Variants in CSMD1 observed in about 807,000 individuals in gnomAD.
The protein encoded by CSMD1 is CUB and sushi domain-containing protein 1.
Under a neutral mutation model 417.5 loss-of-function variants are expected in CSMD1, and 213 were observed. The observed-to-expected ratio is 0.51, with a 90% CI of 0.46 to 0.57. The LOEUF (loss-of-function observed/expected upper bound fraction) is 0.57, where lower values mean the gene tolerates loss of function less well. CSMD1 is among the 20% of genes least tolerant of loss of function. The pLI, the probability that CSMD1 is intolerant of heterozygous loss-of-function variation, is 0.00. For synonymous variants in CSMD1, 2,862 were observed against 1,736.8 expected (o/e 1.65, Z -16.11); for missense variants, 6,923 against 4,529.7 (o/e 1.53, Z -15.17).
chr8:4,303,585 T>G (rs1563420021), intron 3 of CSMD1, among the ~76,000 whole-genome samples: 1 of 152,124 alleles, frequency 6.6e-6, no homozygotes, highest in East Asian at 1.9e-4. Flanking sequence ...GGTGACTGTG[T>G]GGCACCTTCT....
At chr8:3,477,792 G>C (rs976734740) in intron 11 of CSMD1, among the ~76,000 whole-genome samples, 4 of 152,132 alleles carry the variant, frequency 2.6e-5, no homozygotes, top group African/African-American at 4.8e-5. Flanking sequence ...AGTAAAGTGA[G>C]TTACACGTTC....
intron 1 of CSMD1, among the ~76,000 whole-genome samples, chr8:4,744,002 G>T (rs563901809): frequency 6.6e-6 from 1 of 152,166 alleles, no homozygotes; most frequent in Non-Finnish European, 1.5e-5. Flanking sequence ...TTAAAGTCAC[G>T]CTCTAGAGCC....
chr8:3,292,394 G>A (rs558277845), intron 25 of CSMD1, among the ~76,000 whole-genome samples: 1 of 152,080 alleles, frequency 6.6e-6, no homozygotes, highest in Non-Finnish European at 1.5e-5. Flanking sequence ...TTAACTTTCT[G>A]TCTCGTTGAT....
chr8:4,200,035 C>T (rs1190626636), intron 3 of CSMD1, among the ~76,000 whole-genome samples: 1 of 152,118 alleles, frequency 6.6e-6, no homozygotes, highest in Admixed American at 6.5e-5. Context: ...GTTGAGGTGC[C>T]ATAAAATCCT....
At chr8:3,261,458 C>T (rs772491203) in intron 26 of CSMD1, among the ~76,000 whole-genome samples, 11 of 152,112 alleles carry the variant, frequency 7.2e-5, no homozygotes, top group Admixed American at 1.3e-4. Flanking sequence ...CAAATCACCA[C>T]TGAAGAACTT....
chr8:4,471,418 C>T (rs964423962), intron 2 of CSMD1, among the ~76,000 whole-genome samples: 4 of 152,014 alleles, frequency 2.6e-5, no homozygotes, highest in Non-Finnish European at 5.9e-5. Flanking sequence ...AGGTAGATTA[C>T]CCAAGTGCAG....
At chr8:4,008,873 G>C (rs538983906) in intron 4 of CSMD1, among the ~76,000 whole-genome samples, 9 of 151,944 alleles carry the variant, frequency 5.9e-5, no homozygotes, top group South Asian at 4.1e-4. Context: ...GCCTCCCAAA[G>C]TGCTGGGATT....
intron 1 of CSMD1, among the ~76,000 whole-genome samples, chr8:4,749,880 T>A (rs1328304040): frequency 6.6e-6 from 1 of 152,084 alleles, no homozygotes; most frequent in Admixed American, 6.5e-5. Context: ...AAATGCAACT[T>A]CAAAATCCCG....
At chr8:4,612,422 A>C in intron 2 of CSMD1, among the ~76,000 whole-genome samples, 1 of 152,224 alleles carries the variant, frequency 6.6e-6, no homozygotes, top group Admixed American at 6.5e-5. Context: ...TGTTTTCTTC[A>C]GGAAAATAAT....
At chr8:3,844,911 ATT>A (rs1554458650) in intron 5 of CSMD1, among the ~76,000 whole-genome samples, 1 of 134,998 alleles carries the variant, frequency 7.4e-6, no homozygotes, top group African/African-American at 3.7e-5. Flanking sequence ...TTGTCTGTGC[ATT>A]TAAAAACTGC....
chr8:4,626,217 G>A (rs181545993), intron 2 of CSMD1, among the ~76,000 whole-genome samples: 29 of 152,184 alleles, frequency 1.9e-4, no homozygotes, highest in African/African-American at 6.7e-4. Context: ...TGGCTGAGAG[G>A]ACACAGCCTG....
At chr8:4,572,468 G>A (rs879677359) in intron 2 of CSMD1, among the ~76,000 whole-genome samples, 2 of 152,196 alleles carry the variant, frequency 1.3e-5, no homozygotes, top group Admixed American at 6.5e-5. Flanking sequence ...GGCTAGTAGG[G>A]TTTCTGCAGA....
chr8:3,188,641 GTT>G (rs892669440), intron 35 of CSMD1, among the ~76,000 whole-genome samples: 21 of 151,800 alleles, frequency 1.4e-4, no homozygotes, highest in African/African-American at 4.8e-4. Context: ...ACTTTTGATA[GTT>G]TTTATTTTAA....
intron 3 of CSMD1, among the ~76,000 whole-genome samples, chr8:4,150,812 G>A (rs181314473): frequency 6.6e-6 from 1 of 152,114 alleles, no homozygotes; most frequent in Non-Finnish European, 1.5e-5. Context: ...CAGAGGTGTT[G>A]GGAGAAGACA....
At chr8:4,918,442 C>T (rs1302616678) in intron 1 of CSMD1, among the ~76,000 whole-genome samples, 1 of 152,108 alleles carries the variant, frequency 6.6e-6, no homozygotes, top group Non-Finnish European at 1.5e-5. Flanking sequence ...TCTGTATATC[C>T]ACCTGGACTT....
chr8:4,815,160 A>G (rs551715246), intron 1 of CSMD1, among the ~76,000 whole-genome samples: 1 of 152,170 alleles, frequency 6.6e-6, no homozygotes, highest in Non-Finnish European at 1.5e-5. Flanking sequence ...GGAACGTGTA[A>G]TAATGAATGT....
intron 5 of CSMD1, among the ~76,000 whole-genome samples, chr8:3,867,778 C>T (rs190911268): frequency 8.4e-4 from 128 of 152,252 alleles, no homozygotes; most frequent in African/African-American, 3.0e-3. Context: ...CAGGCAGCTT[C>T]CTGTATATGT....
intron 37 of CSMD1, among the ~76,000 whole-genome samples, chr8:3,172,758 T>A (rs1015810414): frequency 6.6e-6 from 1 of 152,168 alleles, no homozygotes; most frequent in Non-Finnish European, 1.5e-5. Context: ...AAACCAAACA[T>A]CGTCTCCCAT....
At position 4,151,914 on chromosome 8, in the gene CSMD1, A is replaced by G. The variant is rs1308746270; in HGVS notation, c.416-119815T>C. ...AGAGGGCAGAGAAGTCCATTTGTCTATCAGCAGAGATAAGTTTTGCCTGCA... is the reference window on the plus strand; with the variant it reads ...AGAGGGCAGAGAAGTCCATTTGTCTGTCAGCAGAGATAAGTTTTGCCTGCA... On this transcript the variant is annotated intron_variant, in intron 3 of 69. Transcript: ENST00000635120. Among the ~76,000 whole-genome samples, 3 of 152,166 alleles carry G rather than the reference A, an allele frequency of 2.0e-5. No individual in the cohort carries two copies. In the South Asian group the frequency reaches 6.2e-4, roughly 31 times the overall value.
Sources: gnomAD v4.1 joint callset for allele counts (sites outside exome capture counted in the v4.1 genomes callset) on GRCh38, gnomAD v4.1.1 for gene constraint, MANE v1.5 for transcripts, NCBI Gene and HGNC (gene_info 2026-07-23, HGNC 2026-07-21) for gene names.